NDUFAF2: variants seen among roughly 807,000 people sequenced by gnomAD.
NDUFAF2 encodes the protein NADH dehydrogenase [ubiquinone] 1 alpha subcomplex assembly factor 2.
A neutral mutation model predicts 22.8 loss-of-function variants in NDUFAF2; 13 were observed. The ratio of observed to expected loss-of-function variants is 0.57; its 90% CI spans 0.37 to 0.91. The LOEUF (loss-of-function observed/expected upper bound fraction) is 0.91, where lower values mean the gene tolerates loss of function less well. Among genes scored for constraint, NDUFAF2 ranks in the 40% least tolerant of loss-of-function variants. NDUFAF2 has a pLI of 0.01. For missense variants in NDUFAF2, 162 were observed against 195.2 expected, an observed-to-expected ratio of 0.83 and a Z score of 1.01; for synonymous variants, 53 against 64.2, an observed-to-expected ratio of 0.83 and a Z score of 0.84.
At chr5:61,051,501 G>T (rs1036566584) in intron 1 of NDUFAF2, among the ~76,000 whole-genome samples, 2 of 152,182 alleles carry the variant, frequency 1.3e-5, no homozygotes, top group African/African-American at 4.8e-5. Context: ...TGTCAGATAT[G>T]AGTCATAGTG....
intron 1 of NDUFAF2, among the ~76,000 whole-genome samples, chr5:61,056,919 A>AATATATATATATATATAT (rs1174310851): frequency 4.9e-4 from 14 of 28,788 alleles, no homozygotes; most frequent in South Asian, 1.4e-3. Flanking sequence ...AAAAAAAAAA[A>AATATATATATATATATAT]ATATATATAT....
intron 1 of NDUFAF2, among the ~76,000 whole-genome samples, chr5:60,986,972 T>C (rs974155547): frequency 1.2e-4 from 18 of 145,618 alleles, no homozygotes; most frequent in Non-Finnish European, 1.8e-4. Context: ...TGGAAAACCA[T>C]ACAAGGACCA....
At chr5:61,113,456 C>A (rs953788824) in intron 3 of NDUFAF2, among the ~76,000 whole-genome samples, 2 of 152,036 alleles carry the variant, frequency 1.3e-5, no homozygotes, top group African/African-American at 4.8e-5. Flanking sequence ...GGCTGTGTCC[C>A]CACCCAAATC....
intron 1 of NDUFAF2, among the ~76,000 whole-genome samples, chr5:61,004,584 A>G (rs1751341106): frequency 6.6e-6 from 1 of 152,136 alleles, no homozygotes; most frequent in Non-Finnish European, 1.5e-5. Flanking sequence ...GTATATTTGT[A>G]TATTTTATGG....
chr5:61,143,638 A>G (rs1156865705), intron 3 of NDUFAF2, among the ~76,000 whole-genome samples: 2 of 152,118 alleles, frequency 1.3e-5, no homozygotes. Flanking sequence ...TATATGTAAT[A>G]TAACTTGAAC....
intron 3 of NDUFAF2, among the ~76,000 whole-genome samples, chr5:61,120,050 G>GA (rs1752957800): frequency 6.6e-6 from 1 of 151,930 alleles, no homozygotes; most frequent in Non-Finnish European, 1.5e-5. Flanking sequence ...TGTAATTTTT[G>GA]AAAACTTACT....
At chr5:60,950,746 A>C (rs1458738002) in intron 1 of NDUFAF2, among the ~76,000 whole-genome samples, 1 of 149,516 alleles carries the variant, frequency 6.7e-6, no homozygotes, top group Non-Finnish European at 1.5e-5. Context: ...TTTTAGGTTT[A>C]CAGAAAAATT....
chr5:60,995,743 A>T (rs1751221066), intron 1 of NDUFAF2, among the ~76,000 whole-genome samples: 1 of 152,238 alleles, frequency 6.6e-6, no homozygotes. Context: ...GGTGAAAGCC[A>T]GCCAAGGCTG....
intron 3 of NDUFAF2, among the ~76,000 whole-genome samples, chr5:61,146,942 T>C (rs1388209623): frequency 6.6e-6 from 1 of 152,224 alleles, no homozygotes; most frequent in Non-Finnish European, 1.5e-5. Context: ...GTTTTTCACC[T>C]TGAAGTTATA....
intron 1 of NDUFAF2, among the ~76,000 whole-genome samples, chr5:60,986,579 A>C (rs1333573375): frequency 1.3e-5 from 2 of 152,116 alleles, no homozygotes; most frequent in Admixed American, 6.5e-5. Flanking sequence ...ACCAACCTCA[A>C]AGCTAGCAGA....
At chr5:61,141,795 C>G (rs1741063896) in intron 3 of NDUFAF2, among the ~76,000 whole-genome samples, 4 of 152,144 alleles carry the variant, frequency 2.6e-5, no homozygotes, top group Admixed American at 2.6e-4. Context: ...TTTTTATTCT[C>G]TAGGGCAGGC....
At chr5:61,147,664 A>G (rs1741162996) in intron 3 of NDUFAF2, among the ~76,000 whole-genome samples, 1 of 151,972 alleles carries the variant, frequency 6.6e-6, no homozygotes. Flanking sequence ...TTATAACTGT[A>G]CTTTCCAATA....
chr5:61,099,027 A>G lies in NDUFAF2; in HGVS notation c.253A>G (p.Met85Val), dbSNP rs771433967. The part of the protein sequence containing the change: ...IRRTRKTPPT[M>V]EEILKNEKHR... ...AAGAACAAGAAAGACTCCACCTACT[A>G]TGGAGGTAAGACTACACAAGGAGGA... is the stretch of plus-strand genomic sequence containing the variant. The change falls in exon 3 of 4, where the codon ATG (methionine) becomes GTG (valine). Residue 85 changes from methionine (M) to valine (V), a missense_variant. Met to Val is a conservative substitution (Grantham distance 21). Coordinates refer to ENST00000296597, the MANE Select transcript of NDUFAF2 (RefSeq NM_174889.5). 2.5e-6 allele frequency: 4 copies of G among 1,598,864 alleles called. No individual in the cohort carries two copies. Among genetic ancestry groups the G allele is most frequent in the African/African-American group, 2.7e-5 (2 of 74,642 alleles).
intron 1 of NDUFAF2, among the ~76,000 whole-genome samples, chr5:61,060,703 T>C (rs887942375): frequency 2.0e-5 from 3 of 152,072 alleles, no homozygotes; most frequent in Non-Finnish European, 4.4e-5. Context: ...CAAAGTCACC[T>C]CCAAATTCCA....
At chr5:60,977,117 A>T (rs2112576231) in intron 1 of NDUFAF2, among the ~76,000 whole-genome samples, 1 of 152,232 alleles carries the variant, frequency 6.6e-6, no homozygotes, top group East Asian at 1.9e-4. Context: ...TAATATTAAA[A>T]TATAGGTGTT....
intron 3 of NDUFAF2, among the ~76,000 whole-genome samples, chr5:61,150,376 A>G (rs569655961): frequency 1.5e-3 from 225 of 152,318 alleles, no homozygotes; most frequent in Middle Eastern, 3.4e-3. Flanking sequence ...AGGAAAAACT[A>G]TAGTCTCCAT....
At chr5:60,956,058 G>A (rs577492714) in intron 1 of NDUFAF2, among the ~76,000 whole-genome samples, 3 of 151,964 alleles carry the variant, frequency 2.0e-5, no homozygotes, top group South Asian at 2.1e-4. Flanking sequence ...GTGCCACCAT[G>A]CCCAGCTAAT....
At chr5:61,114,449 A>C (rs201114264) in intron 3 of NDUFAF2, 2 of 152,106 alleles carry the variant, frequency 1.3e-5, no homozygotes, top group African/African-American at 2.4e-5. Flanking sequence ...GTTATCTTGA[A>C]TTTCATTGAG....
At chr5:61,084,839 A>C (rs1386166014) in intron 2 of NDUFAF2, among the ~76,000 whole-genome samples, 1 of 152,206 alleles carries the variant, frequency 6.6e-6, no homozygotes, top group Admixed American at 6.5e-5. Flanking sequence ...CAGTAAATTT[A>C]AGTGGTCTAG....
Sources: gnomAD v4.1 joint callset for allele counts (sites outside exome capture counted in the v4.1 genomes callset) on GRCh38, gnomAD v4.1.1 for gene constraint, MANE v1.5 for transcripts, NCBI Gene and HGNC (gene_info 2026-07-23, HGNC 2026-07-21) for gene names.